Variants in ZBTB20 observed in about 807,000 individuals in gnomAD.
ZBTB20 encodes zinc finger and BTB domain containing 20.
ZBTB20 carries 9 observed loss-of-function variants against 56.9 expected under a neutral mutation model. The ratio of observed to expected loss-of-function variants is 0.16; its 90% confidence interval spans 0.10 to 0.28. The LOEUF is 0.28. ZBTB20 is among the 10% of genes least tolerant of loss of function. The probability of loss-of-function intolerance (pLI) is 1.00; values close to 1 mark genes in which losing one functional copy is unlikely to be tolerated. For synonymous variants in ZBTB20, 417 were observed against 420.7 expected (o/e 0.99, Z 0.11); for missense variants, 655 against 1,003.0 (o/e 0.65, Z 4.69).
At chr3:114,408,670 T>C (rs1477983624) in intron 7 of ZBTB20, among the ~76,000 whole-genome samples, 1 of 152,182 alleles carries the variant, frequency 6.6e-6, no homozygotes, top group African/African-American at 2.4e-5. Flanking sequence ...AGACATTTCC[T>C]TTGTTGGTCA....
rs190755217 is a variant in ZBTB20 at position 114,329,977 on chromosome 3, C to T, written c.*9028G>A. The T allele has an allele frequency of 6.6e-6, 1 of 152,226 alleles. No individual in the cohort carries two copies. The highest frequency in any genetic ancestry group is 1.9e-4 in the East Asian group (1 of 5,188). The allele number at this position is 152,226 out of a possible 1,614,324, so 9.4% of individuals were successfully genotyped here. A position where few individuals can be genotyped will look rare whatever the true frequency, so the allele number is the denominator to read the frequency against. On this transcript the variant is annotated 3_prime_UTR_variant, in exon 12 of 12. Coordinates refer to ENST00000675478, the MANE Select transcript of ZBTB20 (RefSeq NM_001348800.3). ...AGATCATGTGGCACTTAAGTAGCCC[C>T]TTGGTCATATTTTTAAAAGCAAATA...
At chr3:115,032,152 G>T (rs2080713006) in intron 2 of ZBTB20, among the ~76,000 whole-genome samples, 1 of 151,150 alleles carries the variant, frequency 6.6e-6, no homozygotes, top group African/African-American at 2.4e-5. Context: ...AGAATTTTTG[G>T]CATGAAATGA....
intron 2 of ZBTB20, among the ~76,000 whole-genome samples, chr3:115,044,640 A>G (rs1463585829): frequency 6.6e-6 from 1 of 152,336 alleles, no homozygotes; most frequent in Non-Finnish European, 1.5e-5. Context: ...CTTTTAAAAC[A>G]TACCAATGCC....
At chr3:114,854,278 A>G (rs944639550) in intron 4 of ZBTB20, among the ~76,000 whole-genome samples, 1 of 152,216 alleles carries the variant, frequency 6.6e-6, no homozygotes, top group African/African-American at 2.4e-5. Flanking sequence ...CCTTAATAAT[A>G]AAAGATAATC....
chr3:114,906,595 T>C (rs2075327211), intron 3 of ZBTB20, among the ~76,000 whole-genome samples: 2 of 151,126 alleles, frequency 1.3e-5, no homozygotes, highest in Non-Finnish European at 3.0e-5. Flanking sequence ...TAAAATTTTA[T>C]GTTTTTATGA....
rs1179414772 is a variant in ZBTB20 at position 114,321,567 on chromosome 3, A to G, written c.*17438T>C. ...GTTAACTATACCTAACTGATGACTA[A>G]TTCACACAGATGGTTCCATATGGAA... On this transcript the variant is annotated 3_prime_UTR_variant, in exon 12 of 12. Transcript: ENST00000675478. The G allele has an allele frequency of 6.6e-6, 1 of 152,214 alleles. No homozygotes were observed. Among genetic ancestry groups the G allele is most frequent in the East Asian group, 1.9e-4 (1 of 5,206 alleles). 9.4% of individuals were successfully genotyped at this position (152,214 alleles called of 1,614,324 possible).
chr3:114,952,090 A>G (rs1222886321), intron 3 of ZBTB20, among the ~76,000 whole-genome samples: 3 of 152,116 alleles, frequency 2.0e-5, no homozygotes, highest in Admixed American at 2.0e-4. Flanking sequence ...GAAGTCTAGC[A>G]TTCATGTCAT....
intron 4 of ZBTB20, among the ~76,000 whole-genome samples, chr3:114,882,356 G>T (rs1523263): frequency 0.023 from 3,563 of 152,080 alleles, 51 homozygotes; most frequent in South Asian, 0.051. Context: ...TGTTACATGT[G>T]TGTGTCAGAA....
At chr3:114,593,487 C>T (rs1458582951) in intron 6 of ZBTB20, among the ~76,000 whole-genome samples, 9 of 150,000 alleles carry the variant, frequency 6.0e-5, no homozygotes, top group Non-Finnish European at 1.2e-4. Context: ...GGGGTTTAAG[C>T]GATTCTCTTG....
intron 6 of ZBTB20, among the ~76,000 whole-genome samples, chr3:114,599,089 A>G (rs776053919): frequency 3.3e-4 from 50 of 152,116 alleles, no homozygotes; most frequent in Admixed American, 7.9e-4. Flanking sequence ...GCTATATGTG[A>G]CACCTCCCTA....
rs577582384 is a variant in ZBTB20 at position 114,749,886 on chromosome 3, G to A, written c.-343+51215C>T. ...TTAAATGTAAAATGCTTGGCACAGA[G>A]AGGTCACTCAATACATGGCAGCCAA... On this transcript the variant is annotated intron_variant, in intron 5 of 11. Transcript: ENST00000675478. 5.3e-5 allele frequency among the ~76,000 whole-genome samples: 8 copies of A among 152,282 alleles called. 1 individual carries two copies. In the South Asian group the frequency reaches 1.7e-3, roughly 32 times the overall value.
At chr3:115,127,890 A>G (rs1032683413) in intron 1 of ZBTB20, among the ~76,000 whole-genome samples, 12 of 152,218 alleles carry the variant, frequency 7.9e-5, no homozygotes, top group Non-Finnish European at 1.8e-4. Flanking sequence ...TTCCTAAATT[A>G]TAAGAAACTG....
intron 3 of ZBTB20, among the ~76,000 whole-genome samples, chr3:114,926,814 A>T (rs1389598304): frequency 6.6e-6 from 1 of 152,176 alleles, no homozygotes; most frequent in Non-Finnish European, 1.5e-5. Context: ...CCCAGGCTGG[A>T]ATGCAGTGAC....
chr3:114,873,671 G>T (rs1217305620), intron 4 of ZBTB20, among the ~76,000 whole-genome samples: 1 of 152,066 alleles, frequency 6.6e-6, no homozygotes, highest in East Asian at 1.9e-4. Context: ...TTTCATCTTT[G>T]TCTTAGTTTT....
chr3:115,142,659 CA>C (rs535455119), intron 1 of ZBTB20, among the ~76,000 whole-genome samples: 9,645 of 107,698 alleles, frequency 0.09, 313 homozygotes, highest in African/African-American at 0.12. Context: ...AAGACTCCAT[CA>C]AAAAAAAAAA....
At chr3:114,917,606 T>G (rs909003426) in intron 3 of ZBTB20, among the ~76,000 whole-genome samples, 15 of 152,232 alleles carry the variant, frequency 9.9e-5, no homozygotes, top group African/African-American at 3.1e-4. Flanking sequence ...TCAGTTACAC[T>G]GAGGCTCTTA....
chr3:114,488,396 A>C lies in ZBTB20; in HGVS notation c.-255+11956T>G, dbSNP rs114263359. On this transcript the variant is annotated intron_variant, in intron 7 of 11. Coordinates refer to ENST00000675478, the MANE Select transcript of ZBTB20 (RefSeq NM_001348800.3). Reference sequence around the variant, plus strand: ...TAGCTATTCTTAAAATATTAGGGATATATCACAAATATTTTTCCTAGTTTA... The same window carrying C: ...TAGCTATTCTTAAAATATTAGGGATCTATCACAAATATTTTTCCTAGTTTA... Among the ~76,000 whole-genome samples, 1,041 of 152,334 alleles carry C rather than the reference A, an allele frequency of 6.8e-3. 17 individuals carry two copies. The highest frequency in any genetic ancestry group is 0.024 in the African/African-American group (995 of 41,572).
chr3:114,732,144 A>G (rs573744501), intron 5 of ZBTB20, among the ~76,000 whole-genome samples: 4 of 152,296 alleles, frequency 2.6e-5, no homozygotes, highest in African/African-American at 9.6e-5. Context: ...GACTAACAGC[A>G]AGTAGTTGCA....
At chr3:115,013,799 C>G (rs1402147842) in intron 2 of ZBTB20, among the ~76,000 whole-genome samples, 1 of 151,418 alleles carries the variant, frequency 6.6e-6, no homozygotes, top group Non-Finnish European at 1.5e-5. Context: ...AAAAGGGAAC[C>G]CTTGTACACT....
Sources: gnomAD v4.1 joint callset for allele counts (sites outside exome capture counted in the v4.1 genomes callset) on GRCh38, gnomAD v4.1.1 for gene constraint, MANE v1.5 for transcripts, NCBI Gene and HGNC (gene_info 2026-07-23, HGNC 2026-07-21) for gene names.